The following HIP1 variants were observed in gnomAD, a reference collection of about 807,000 sequenced individuals.
HIP1 encodes huntingtin interacting protein 1, also known as huntingtin-interacting protein 1.
Under a neutral mutation model 147.6 loss-of-function variants are expected in HIP1, and 65 were observed. The ratio of observed to expected loss-of-function variants is 0.44; its 90% CI spans 0.36 to 0.54. The LOEUF is 0.54. Among genes scored for constraint, HIP1 ranks in the 20% least tolerant of loss-of-function variants. The pLI is 0.00. For missense variants in HIP1, 1,061 were observed against 1,299.6 expected (o/e 0.82, Z 2.82); for synonymous variants, 479 against 504.0 (o/e 0.95, Z 0.67).
At chr7:75,663,133 T>G (rs1799367765) in intron 1 of HIP1, among the ~76,000 whole-genome samples, 1 of 152,232 alleles carries the variant, frequency 6.6e-6, no homozygotes, top group Non-Finnish European at 1.5e-5. Context: ...TCATCTGTTC[T>G]GGTACAACGA....
chr7:75,728,061 T>C (rs947947190), intron 1 of HIP1, among the ~76,000 whole-genome samples: 2 of 152,110 alleles, frequency 1.3e-5, no homozygotes, highest in Admixed American at 6.6e-5. Flanking sequence ...GTGTCTGTAT[T>C]TGAAAACTGA....
In HIP1 at chr7:75,738,439, T is replaced by A. The variant is rs115428369; in HGVS notation, c.120+362A>T. ...CCGCCCCCACACTTGAGCCTCCAAGTGGCTCCCGTGCGCTTCCCTTGTTTA... is the reference window on the plus strand; with the variant it reads ...CCGCCCCCACACTTGAGCCTCCAAGAGGCTCCCGTGCGCTTCCCTTGTTTA... On this transcript the variant is annotated intron_variant, in intron 1 of 30. Coordinates refer to ENST00000336926, the MANE Select transcript of HIP1 (RefSeq NM_005338.7). Among the ~76,000 whole-genome samples the A allele has an allele frequency of 2.0e-3, 311 of 152,222 alleles. 1 individual carries two copies. The highest frequency in any genetic ancestry group is 7.1e-3 in the African/African-American group (296 of 41,550).
intron 1 of HIP1, among the ~76,000 whole-genome samples, chr7:75,647,851 T>A (rs1359313028): frequency 2.0e-5 from 3 of 152,180 alleles, no homozygotes; most frequent in African/African-American, 7.2e-5. Context: ...GGTGGGGCAG[T>A]GGGACTGAAC....
chr7:75,682,149 G>A (rs1215077680), intron 1 of HIP1, among the ~76,000 whole-genome samples: 5 of 149,448 alleles, frequency 3.3e-5, no homozygotes, highest in Non-Finnish European at 7.4e-5. Flanking sequence ...AGTACAGATG[G>A]GGTTTCACCG....
rs551620669 is a variant in HIP1, at chr7:75,657,910, G to A, written c.121-58663C>T. Among the ~76,000 whole-genome samples, 21 of 151,044 alleles carry A rather than the reference G, an allele frequency of 1.4e-4. 1 individual carries two copies. Among genetic ancestry groups the A allele is most frequent in the African/African-American group, 4.1e-4 (17 of 41,284 alleles). On this transcript the variant is annotated intron_variant, in intron 1 of 30. Coordinates refer to ENST00000336926, the MANE Select transcript of HIP1 (RefSeq NM_005338.7). ...AGAATTTAAATACACACACACACAC[G>A]CACATACACATTTAAATGAAGAAAA...
intron 1 of HIP1, among the ~76,000 whole-genome samples, chr7:75,605,486 G>A (rs1448744312): frequency 1.3e-5 from 2 of 152,186 alleles, no homozygotes; most frequent in Non-Finnish European, 2.9e-5. Context: ...AGCTGGGGTA[G>A]AGCTGGATGG....
chr7:75,594,736 T>C (rs1433232903), intron 2 of HIP1, among the ~76,000 whole-genome samples: 2 of 152,198 alleles, frequency 1.3e-5, no homozygotes, highest in African/African-American at 4.8e-5. Flanking sequence ...ATTGCACCAC[T>C]GCACTCCAGC....
chr7:75,598,043 T>TGTTGA (rs1450201311), intron 2 of HIP1, among the ~76,000 whole-genome samples: 1 of 152,136 alleles, frequency 6.6e-6, no homozygotes, highest in Non-Finnish European at 1.5e-5. Context: ...TTCTTCCCCC[T>TGTTGA]GGCATAGGTT....
At chr7:75,683,572 C>G (rs2117277106) in intron 1 of HIP1, among the ~76,000 whole-genome samples, 1 of 152,252 alleles carries the variant, frequency 6.6e-6, no homozygotes, top group Admixed American at 6.5e-5. Context: ...ACTCAGAGCT[C>G]CCACCTTTCC....
intron 22 of HIP1, among the ~76,000 whole-genome samples, chr7:75,551,410 T>C (rs1794779431): frequency 6.6e-6 from 1 of 151,788 alleles, no homozygotes; most frequent in South Asian, 2.1e-4. Flanking sequence ...AGATGGAGTT[T>C]CACTATATTG....
chr7:75,619,604 T>TGTCA (rs2117087750), intron 1 of HIP1, among the ~76,000 whole-genome samples: 1 of 151,732 alleles, frequency 6.6e-6, no homozygotes, highest in South Asian at 2.1e-4. Flanking sequence ...AAGAATGAAG[T>TGTCA]CAGTTTCTCA....
rs587714147 is a variant in HIP1, at chr7:75,606,333, A to G, written c.121-7086T>C. Reference sequence around the variant, plus strand: ...ATGGTGCCTCCAAGATGATGCAGAGACTTTAGGAGGCCGAGGGGGGCAGAT... The same window carrying G: ...ATGGTGCCTCCAAGATGATGCAGAGGCTTTAGGAGGCCGAGGGGGGCAGAT... On this transcript the variant is annotated intron_variant, in intron 1 of 30. Transcript: ENST00000336926. Among the ~76,000 whole-genome samples, 592 of 152,224 alleles carry G rather than the reference A, an allele frequency of 3.9e-3. 10 individuals are homozygous for G. Among genetic ancestry groups the G allele is most frequent in the Non-Finnish European group, 1.8e-3 (123 of 68,002 alleles).
intron 7 of HIP1, among the ~76,000 whole-genome samples, chr7:75,580,432 C>T (rs1198054746): frequency 2.0e-5 from 3 of 151,936 alleles, no homozygotes; most frequent in African/African-American, 7.2e-5. Context: ...GACGTGAAAC[C>T]ACCCGCTTGG....
At chr7:75,706,137 C>T (rs1301049929) in intron 1 of HIP1, among the ~76,000 whole-genome samples, 2 of 151,920 alleles carry the variant, frequency 1.3e-5, no homozygotes, top group Admixed American at 1.3e-4. Context: ...TCAAGTGATC[C>T]GCTCACCTCG....
At position 75,607,221 on chromosome 7, in the gene HIP1, G is replaced by GTT. The variant is rs1192539117; in HGVS notation, c.121-7976_121-7975dup. Among the ~76,000 whole-genome samples the GTT allele has an allele frequency of 4.8e-4, 66 of 138,158 alleles. 1 individual carries two copies. The highest frequency in any genetic ancestry group is 2.0e-3 in the East Asian group (9 of 4,558). 90.6% of individuals were successfully genotyped at this position (138,158 alleles called of 152,430 possible). On this transcript the variant is annotated intron_variant, in intron 1 of 30. Coordinates refer to ENST00000336926, the MANE Select transcript of HIP1 (RefSeq NM_005338.7). The stretch of plus-strand genomic sequence containing the variant: ...CCATCTCTACAAAAAAAAAAGAGTT[G>GTT]TTTTTTGTTTTGTTTTTTTTTTTTT...
At chr7:75,678,586 C>T (rs1390562686) in intron 1 of HIP1, among the ~76,000 whole-genome samples, 25 of 152,248 alleles carry the variant, frequency 1.6e-4, no homozygotes, top group African/African-American at 5.8e-4. Flanking sequence ...TCAAGTGATC[C>T]ACCTGCCTCG....
chr7:75,556,510 C>T (rs916070327), intron 17 of HIP1, among the ~76,000 whole-genome samples, 200 bp downstream of exon 17: 1 of 151,984 alleles, frequency 6.6e-6, no homozygotes, highest in African/African-American at 2.4e-5. Flanking sequence ...AGTGAAACCC[C>T]GTCTCTACCA....
At chr7:75,718,923 A>G (rs782738257) in intron 1 of HIP1, among the ~76,000 whole-genome samples, 1 of 152,130 alleles carries the variant, frequency 6.6e-6, no homozygotes, top group Non-Finnish European at 1.5e-5. Context: ...TTGCCCAGAT[A>G]TCCCTCAACT....
intron 1 of HIP1, among the ~76,000 whole-genome samples, chr7:75,699,788 T>A (rs1800759939): frequency 1.3e-5 from 2 of 152,062 alleles, no homozygotes; most frequent in Non-Finnish European, 2.9e-5. Context: ...TTCTCTTCTC[T>A]TTTCCGTGGT....
Sources: allele counts gnomAD v4.1 joint callset (sites outside exome capture counted in the v4.1 genomes callset), GRCh38; gene constraint gnomAD v4.1.1; transcripts MANE v1.5; gene names NCBI Gene and HGNC (gene_info 2026-07-23, HGNC 2026-07-21).